Variants in KCNG2 observed in about 807,000 individuals in gnomAD.
KCNG2 encodes potassium voltage-gated channel modifier subfamily G member 2, also known as voltage-gated potassium channel regulatory subunit KCNG2.
Under a neutral mutation model 12.3 loss-of-function variants are expected in KCNG2, and 7 were observed. The observed-to-expected ratio is 0.57, with a 90% CI of 0.32 to 1.07. The LOEUF (loss-of-function observed/expected upper bound fraction) is 1.07. Among genes scored for constraint, KCNG2 ranks in the 50% least tolerant of loss-of-function variants. The pLI, the probability that KCNG2 is intolerant of heterozygous loss-of-function variation, is 0.04. For synonymous variants in KCNG2, 414 were observed against 351.4 expected, an observed-to-expected ratio of 1.18 and a Z score of -1.99; for missense variants, 703 against 726.0, an observed-to-expected ratio of 0.97 and a Z score of 0.36.
At chr18:79,809,445 C>T (rs1434694046) in intron 1 of KCNG2, among the ~76,000 whole-genome samples, 38 of 133,912 alleles carry the variant, frequency 2.8e-4, no homozygotes, top group Non-Finnish European at 4.5e-4. Context: ...GAGTCCTCGC[C>T]CTGAGGAGCT....
In KCNG2 at chr18:79,884,632, T is replaced by C. The variant is rs1980450440; in HGVS notation, c.625-14408T>C. Among the ~76,000 whole-genome samples, 2 of 152,170 alleles carry C rather than the reference T, an allele frequency of 1.3e-5. No homozygotes were observed. Among genetic ancestry groups the C allele is most frequent in the Admixed American group, 6.5e-5 (1 of 15,288 alleles). On this transcript the variant is annotated intron_variant, in intron 3 of 3. Transcript: ENST00000316249. The surrounding 1 kb of genome is among the most constrained non-coding windows in gnomAD (Gnocchi z 5.5). ...TGGGATTCCTTTCATCGTTGCTTTT[T>C]GTGTTTTCTACCTAGAGCGGAGAAA...
intron 3 of KCNG2, among the ~76,000 whole-genome samples, chr18:79,875,306 G>A (rs1426066219): frequency 1.3e-5 from 2 of 152,018 alleles, no homozygotes; most frequent in Non-Finnish European, 2.9e-5. Flanking sequence ...GGCGGTCCTG[G>A]GGGCTCCTCT....
intron 1 of KCNG2, among the ~76,000 whole-genome samples, chr18:79,817,148 G>T (rs1388372129): frequency 6.7e-6 from 1 of 149,306 alleles, no homozygotes; most frequent in African/African-American, 2.5e-5. Flanking sequence ...CCACATGGAT[G>T]TTACACGGCT....
intron 3 of KCNG2, among the ~76,000 whole-genome samples, chr18:79,870,533 G>A (rs566346490): frequency 6.6e-6 from 1 of 152,318 alleles, no homozygotes; most frequent in Non-Finnish European, 1.5e-5. Context: ...GATGGTGTGA[G>A]CACCCACGGG....
rs2087404141 is a variant in KCNG2, at chr18:79,800,866, C to T, written c.-115+2852C>T. 1.3e-5 allele frequency among the ~76,000 whole-genome samples: 2 copies of T among 152,208 alleles called. No individual in the cohort carries two copies. Among genetic ancestry groups the T allele is most frequent in the Non-Finnish European group, 2.9e-5 (2 of 68,036 alleles). ...ATGTCAAGTCAAAATGGGTCCCCGG[C>T]GGGGCCAGGAGAACACCCAGACTCA... On this transcript the variant is annotated intron_variant, in intron 1 of 3. Transcript: ENST00000316249. The surrounding 1 kb of genome is among the most constrained non-coding windows in gnomAD (Gnocchi z 4.0).
chr18:79,827,742 C>G (rs1489022112), intron 1 of KCNG2, among the ~76,000 whole-genome samples: 1 of 152,170 alleles, frequency 6.6e-6, no homozygotes, highest in Non-Finnish European at 1.5e-5. Flanking sequence ...GGAAATGCAG[C>G]TTGGTGGGCT....
At chr18:79,893,436 G>C (rs1980822015) in intron 3 of KCNG2, among the ~76,000 whole-genome samples, 1 of 151,226 alleles carries the variant, frequency 6.6e-6, no homozygotes, top group Non-Finnish European at 1.5e-5. Context: ...GTCTGCTTTT[G>C]ATTGGGTTGT....
intron 1 of KCNG2, among the ~76,000 whole-genome samples, chr18:79,833,927 T>G (rs887216003): frequency 2.0e-5 from 3 of 152,158 alleles, no homozygotes; most frequent in Non-Finnish European, 4.4e-5. Context: ...GGGTCAGAGT[T>G]GTGCACATCT....
intron 1 of KCNG2, among the ~76,000 whole-genome samples, chr18:79,851,717 G>A (rs951046394): frequency 1.3e-5 from 2 of 151,556 alleles, no homozygotes; most frequent in African/African-American, 2.4e-5. Context: ...GTGTGTGAAC[G>A]TGCATGTGTG....
chr18:79,853,826 G>A (rs1055455082), intron 1 of KCNG2, among the ~76,000 whole-genome samples: 8 of 152,238 alleles, frequency 5.3e-5, no homozygotes, highest in Non-Finnish European at 8.8e-5. Context: ...CTCCCTCCAG[G>A]GCCCGAGACG....
At chr18:79,877,042 A>T (rs1337394881) in intron 3 of KCNG2, among the ~76,000 whole-genome samples, 3 of 152,224 alleles carry the variant, frequency 2.0e-5, no homozygotes, top group South Asian at 2.1e-4. Context: ...AGGCGAGCAC[A>T]TTCTAGGCAA....
At chr18:79,836,946 A>G (rs1323685669) in intron 1 of KCNG2, among the ~76,000 whole-genome samples, 3 of 152,168 alleles carry the variant, frequency 2.0e-5, no homozygotes, top group South Asian at 2.1e-4. Context: ...TAACACAATC[A>G]TGGCTTCCAA....
intron 3 of KCNG2, among the ~76,000 whole-genome samples, chr18:79,880,676 T>C (rs1175783465): frequency 1.3e-5 from 2 of 152,132 alleles, no homozygotes; most frequent in Admixed American, 6.5e-5. Flanking sequence ...GTGTCTCCCA[T>C]GAACTCATGC....
At chr18:79,863,200 G>C (rs1390234499) in intron 2 of KCNG2, among the ~76,000 whole-genome samples, 2 of 152,244 alleles carry the variant, frequency 1.3e-5, no homozygotes, top group Non-Finnish European at 2.9e-5. Flanking sequence ...TGATTCTGAC[G>C]TGGCTGGTCC....
chr18:79,872,882 C>T (rs12969749), intron 3 of KCNG2, among the ~76,000 whole-genome samples: 3,720 of 152,314 alleles, frequency 0.024, 72 homozygotes, highest in Middle Eastern at 0.058. Flanking sequence ...CTTTTGCAAA[C>T]GAGGGAAGCG....
intron 1 of KCNG2, among the ~76,000 whole-genome samples, chr18:79,841,578 G>C (rs1247622486): frequency 1.3e-5 from 2 of 152,076 alleles, no homozygotes; most frequent in Non-Finnish European, 2.9e-5. Flanking sequence ...AATCCAAATA[G>C]AAAATGAGCA....
At chr18:79,824,828 A>AT (rs200774510) in intron 1 of KCNG2, among the ~76,000 whole-genome samples, 13 of 151,524 alleles carry the variant, frequency 8.6e-5, no homozygotes, top group East Asian at 3.9e-4. Flanking sequence ...TTGTCGCAGT[A>AT]TTTTTTTTTC....
intron 1 of KCNG2, among the ~76,000 whole-genome samples, chr18:79,834,357 A>G (rs1372979528): frequency 6.6e-6 from 1 of 152,172 alleles, no homozygotes; most frequent in Non-Finnish European, 1.5e-5. Context: ...AGTTTCTGGG[A>G]GGACATCTTT....
chr18:79,837,124 T>C (rs1332278590), intron 1 of KCNG2, among the ~76,000 whole-genome samples: 1 of 152,320 alleles, frequency 6.6e-6, no homozygotes. Flanking sequence ...AATGCTCCCA[T>C]TCCAAATGGG....
Sources: gnomAD v4.1 joint callset for allele counts (sites outside exome capture counted in the v4.1 genomes callset) on GRCh38, gnomAD v4.1.1 for gene constraint, Gnocchi (gnomAD v3.1) non-coding constraint, MANE v1.5 for transcripts, NCBI Gene and HGNC (gene_info 2026-07-23, HGNC 2026-07-21) for gene names.